The following ERAP1 variants were observed in gnomAD, a reference collection of about 807,000 sequenced individuals.
ERAP1 encodes endoplasmic reticulum aminopeptidase 1, also known as adipocyte-derived leucine aminopeptidase.
Under a neutral mutation model 103.7 loss-of-function variants are expected in ERAP1, and 86 were observed. That is an observed-to-expected ratio of 0.83 (90% CI 0.70 to 0.99). The LOEUF (loss-of-function observed/expected upper bound fraction) is 0.99. Ranked by LOEUF, ERAP1 falls within the 50% of genes least tolerant of loss-of-function variation. ERAP1 has a pLI of 0.00. For missense variants in ERAP1, 1,009 were observed against 1,128.4 expected, an observed-to-expected ratio of 0.89 and a Z score of 1.52; for synonymous variants, 398 against 402.4, an observed-to-expected ratio of 0.99 and a Z score of 0.13.
In ERAP1 at chr5:96,798,399, G is replaced by A. The variant is rs192990052; in HGVS notation, c.664-1090C>T. Among the ~76,000 whole-genome samples the A allele has an allele frequency of 4.0e-5, 6 of 151,566 alleles. No homozygotes were observed. The East Asian group carries it at 1.2e-3, about 29-fold the overall frequency. ...CTTTTTAAGTGCAATCAGAGAGTAA[G>A]GGTGGGGTATAGTTGATGGAGGTAC... is the stretch of plus-strand genomic sequence containing the variant. On this transcript the variant is annotated intron_variant, in intron 3 of 18. Coordinates refer to ENST00000443439, the MANE Select transcript of ERAP1 (RefSeq NM_001040458.3).
chr5:96,770,704 A>G, downstream of ERAP1: 1 of 774,700 alleles, frequency 1.3e-6, no homozygotes. Flanking sequence ...TATTTAGAAT[A>G]AAATTTCTTA....
the ERAP1 span, among the ~76,000 whole-genome samples, chr5:96,868,391 C>T: frequency 6.6e-6 from 1 of 152,344 alleles, no homozygotes; most frequent in South Asian, 2.1e-4. Flanking sequence ...AATACCTAAA[C>T]TTTGCCTTAT....
At chr5:96,882,275 A>G in the ERAP1 span, among the ~76,000 whole-genome samples, 3 of 152,232 alleles carry the variant, frequency 2.0e-5, no homozygotes, top group African/African-American at 7.2e-5. Context: ...TCCAAAGGAC[A>G]TATATCTTAG....
chr5:96,856,172 A>T, the ERAP1 span, among the ~76,000 whole-genome samples: 1 of 150,750 alleles, frequency 6.6e-6, no homozygotes, highest in Non-Finnish European at 1.5e-5. Flanking sequence ...TACAAAAATT[A>T]GCTGGACGTG....
chr5:96,873,478 G>T, the ERAP1 span: 1 of 454,496 alleles, frequency 2.2e-6, no homozygotes, highest in Admixed American at 2.4e-5. Flanking sequence ...GGAAGCATGT[G>T]TTACTTCCAA....
chr5:96,818,297 T>C, the ERAP1 span, among the ~76,000 whole-genome samples: 1 of 152,134 alleles, frequency 6.6e-6, no homozygotes, highest in Admixed American at 6.5e-5. Context: ...ATAATCACAC[T>C]GCTCAGGCTC....
intron 3 of ERAP1, among the ~76,000 whole-genome samples, chr5:96,798,324 C>CAAAAAA (rs3076633): frequency 0.14 from 10,460 of 75,734 alleles, 968 homozygotes; most frequent in Non-Finnish European, 0.19. Flanking sequence ...GACTCCATCT[C>CAAAAAA]AAAAAAAAAA....
At chr5:96,873,307 T>C in the ERAP1 span, 1 of 456,046 alleles carries the variant, frequency 2.2e-6, no homozygotes, top group African/African-American at 2.0e-5. Flanking sequence ...GGGCCTATGA[T>C]GTGCGCAACA....
chr5:96,802,717 A>T (rs1200002088), intron 2 of ERAP1, among the ~76,000 whole-genome samples: 1 of 152,196 alleles, frequency 6.6e-6, no homozygotes, highest in Non-Finnish European at 1.5e-5. Context: ...CCTAACCTGT[A>T]GTATCTGTGC....
At chr5:96,813,650 C>CAAAAAAAAAAAAAAA in the ERAP1 span, among the ~76,000 whole-genome samples, 5 of 55,160 alleles carry the variant, frequency 9.1e-5, 2 homozygotes, top group African/African-American at 2.1e-4. Flanking sequence ...AGACTCATCT[C>CAAAAAAAAAAAAAAA]AAAAAAAAAA....
the ERAP1 span, among the ~76,000 whole-genome samples, chr5:96,817,938 G>A: frequency 6.6e-6 from 1 of 152,198 alleles, no homozygotes; most frequent in African/African-American, 2.4e-5. Flanking sequence ...GCAGTGGTGT[G>A]AGAAATTCTG....
the ERAP1 span, among the ~76,000 whole-genome samples, chr5:96,837,130 G>C: frequency 6.6e-6 from 1 of 151,702 alleles, no homozygotes; most frequent in Admixed American, 6.6e-5. Context: ...GTGTAGATAT[G>C]TAGGCATCAA....
the ERAP1 span, chr5:96,886,531 T>TA: frequency 4.3e-6 from 3 of 692,650 alleles, no homozygotes; most frequent in Non-Finnish European, 6.3e-6. Flanking sequence ...ATTGCCCCCC[T>TA]AGGAGGTCAT....
At chr5:96,922,393 G>A in the ERAP1 span, among the ~76,000 whole-genome samples, 1 of 152,286 alleles carries the variant, frequency 6.6e-6, no homozygotes, top group Middle Eastern at 3.4e-3. Flanking sequence ...GTTGGGAAAA[G>A]GATAGAAAGA....
At chr5:96,789,887 A>G (rs1248139399) in intron 10 of ERAP1, among the ~76,000 whole-genome samples, 1 of 152,246 alleles carries the variant, frequency 6.6e-6, no homozygotes, top group Admixed American at 6.5e-5. Flanking sequence ...TAATACATAT[A>G]AGTGCTTAAC....
chr5:96,797,059 G>T (rs925497049), intron 4 of ERAP1, 116 bp downstream of exon 4: 5 of 1,246,100 alleles, frequency 4.0e-6, no homozygotes, highest in Non-Finnish European at 5.8e-6. Flanking sequence ...AAACTGTTGG[G>T]TTTATGTTGG....
At chr5:96,807,691 G>C (rs951407204) in intron 1 of ERAP1, among the ~76,000 whole-genome samples, 169 bp downstream of exon 1, 1 of 151,902 alleles carries the variant, frequency 6.6e-6, no homozygotes, top group African/African-American at 2.4e-5. Flanking sequence ...CCTTCCTCCC[G>C]CGCCCCGTCG....
At chr5:96,912,188 CA>C in the ERAP1 span, among the ~76,000 whole-genome samples, 40 of 84,248 alleles carry the variant, frequency 4.7e-4, no homozygotes, top group East Asian at 3.4e-3. Context: ...GACTCCACCT[CA>C]AAAAAAAAAA....
chr5:96,893,276 T>C, the ERAP1 span, among the ~76,000 whole-genome samples: 1 of 152,210 alleles, frequency 6.6e-6, no homozygotes, highest in Non-Finnish European at 1.5e-5. Context: ...AAATTGTCTT[T>C]CACCAAGTGG....
Sources: allele counts gnomAD v4.1 joint callset (sites outside exome capture counted in the v4.1 genomes callset), GRCh38; gene constraint gnomAD v4.1.1; transcripts MANE v1.5; gene names NCBI Gene and HGNC (gene_info 2026-07-23, HGNC 2026-07-21).